Variants in PTPN3 observed in about 807,000 individuals in gnomAD.
PTPN3 encodes tyrosine-protein phosphatase non-receptor type 3.
In PTPN3, 96 loss-of-function variants were observed where a neutral mutation model predicts 132.7. The ratio of observed to expected loss-of-function variants is 0.72; its 90% confidence interval spans 0.61 to 0.86. The LOEUF is 0.86. PTPN3 is among the 40% of genes least tolerant of loss of function. The pLI, the probability that PTPN3 is intolerant of heterozygous loss-of-function variation, is 0.00. For missense variants in PTPN3, 1,125 were observed against 1,159.6 expected (o/e 0.97, Z 0.43); for synonymous variants, 398 against 429.0 (o/e 0.93, Z 0.89).
At chr9:109,449,638 C>T (rs901336462) in intron 5 of PTPN3, 31 of 985,286 alleles carry the variant, frequency 3.1e-5, no homozygotes, top group South Asian at 4.7e-5. Flanking sequence ...TTTAGGGATG[C>T]GGCATACATG....
chr9:109,406,245 T>TC (rs945826866), intron 18 of PTPN3, among the ~76,000 whole-genome samples: 40 of 151,882 alleles, frequency 2.6e-4, no homozygotes, highest in African/African-American at 9.7e-4. Context: ...GGGCGCTGTC[T>TC]CCCCCCAGAA....
chr9:109,479,287 T>A (rs890949684), intron 1 of PTPN3, among the ~76,000 whole-genome samples: 1 of 152,240 alleles, frequency 6.6e-6, no homozygotes, highest in Non-Finnish European at 1.5e-5. Flanking sequence ...ATAGTATTTG[T>A]CTATTTGAGT....
the PTPN3 span, among the ~76,000 whole-genome samples, chr9:109,523,615 T>C: frequency 6.6e-6 from 1 of 152,294 alleles, no homozygotes; most frequent in Non-Finnish European, 1.5e-5. Context: ...TCATTCTTTA[T>C]GGCTCTTGTT....
At chr9:109,532,944 G>GTTTT in the PTPN3 span, 66 of 312,114 alleles carry the variant, frequency 2.1e-4, no homozygotes, top group East Asian at 5.1e-4. Flanking sequence ...TCTTTTCTGG[G>GTTTT]TTTTTTTTTT....
At chr9:109,430,758 G>A (rs79880464) in intron 10 of PTPN3, among the ~76,000 whole-genome samples, 1,901 of 152,290 alleles carry the variant, frequency 0.012, 45 homozygotes, top group African/African-American at 0.044. Flanking sequence ...ACTAAGAACT[G>A]AGCCTATAGG....
chr9:109,430,731 TAG>T (rs1437780201), intron 10 of PTPN3, among the ~76,000 whole-genome samples: 1 of 152,192 alleles, frequency 6.6e-6, no homozygotes, highest in African/African-American at 2.4e-5. Context: ...CAGGAATGCC[TAG>T]AGTCTCACAA....
chr9:109,416,395 G>A (rs1037481714), intron 14 of PTPN3, among the ~76,000 whole-genome samples: 3 of 151,954 alleles, frequency 2.0e-5, no homozygotes, highest in African/African-American at 7.2e-5. Context: ...TGAAGAAGGG[G>A]ATCCCCCAGG....
At chr9:109,425,131 A>G (rs1255778079) in intron 12 of PTPN3, among the ~76,000 whole-genome samples, 1 of 152,192 alleles carries the variant, frequency 6.6e-6, no homozygotes, top group Admixed American at 6.5e-5. Context: ...CAAATACTAA[A>G]CAGTATTATA....
chr9:109,414,505 T>C (rs1242115160), intron 14 of PTPN3, among the ~76,000 whole-genome samples: 1 of 152,210 alleles, frequency 6.6e-6, no homozygotes, highest in African/African-American at 2.4e-5. Flanking sequence ...ATAAGGGTCC[T>C]TGAGTAACAG....
intron 25 of PTPN3, among the ~76,000 whole-genome samples, chr9:109,379,977 C>A (rs1454752848): frequency 6.6e-6 from 1 of 152,176 alleles, no homozygotes; most frequent in Non-Finnish European, 1.5e-5. Flanking sequence ...AGGGAGCCTG[C>A]TCCTGGACTC....
chr9:109,456,473 G>A (rs1355791560), intron 4 of PTPN3, among the ~76,000 whole-genome samples: 2 of 152,198 alleles, frequency 1.3e-5, no homozygotes, highest in African/African-American at 2.4e-5. Flanking sequence ...GCAGGATTTC[G>A]ACAGAGGGAA....
intron 7 of PTPN3, among the ~76,000 whole-genome samples, chr9:109,441,674 C>T (rs1451469363): frequency 6.6e-6 from 1 of 152,254 alleles, no homozygotes; most frequent in South Asian, 2.1e-4. Flanking sequence ...ATTCTTTGAG[C>T]CTCATAAAGC....
Position 109,376,332 on chromosome 9 carries a change from C to T in PTPN3, c.*3224G>A, listed in dbSNP as rs532401032. 1.7e-4 allele frequency: 26 copies of T among 152,214 alleles called. No homozygotes were observed. The highest frequency in any genetic ancestry group is 6.0e-4 in the African/African-American group (25 of 41,528). 9.4% of individuals were successfully genotyped at this position (152,214 alleles called of 1,614,324 possible). ...CTCTGGAGGATGAAGAGGGCTTTTT[C>T]GCTTGCCCTCAAATGCTCATTTCTG... On this transcript the variant is annotated 3_prime_UTR_variant, in exon 26 of 26. Coordinates refer to ENST00000374541, the MANE Select transcript of PTPN3 (RefSeq NM_002829.4).
At chr9:109,447,587 A>G (rs1844947734) in intron 6 of PTPN3, among the ~76,000 whole-genome samples, 1 of 152,140 alleles carries the variant, frequency 6.6e-6, no homozygotes, top group Non-Finnish European at 1.5e-5. Flanking sequence ...TCAATAGTCA[A>G]CAGCTCTGGA....
chr9:109,513,518 A>G, the PTPN3 span, among the ~76,000 whole-genome samples: 51 of 152,278 alleles, frequency 3.3e-4, no homozygotes, highest in African/African-American at 1.2e-3. Flanking sequence ...ACTGAGTCCA[A>G]GCTCTTTGAG....
At chr9:109,490,834 G>A (rs1299127648) in intron 1 of PTPN3, among the ~76,000 whole-genome samples, 1 of 146,764 alleles carries the variant, frequency 6.8e-6, no homozygotes, top group Non-Finnish European at 1.5e-5. Flanking sequence ...CATGACAACC[G>A]TACGCAACCC....
chr9:109,416,508 C>T (rs141618514), intron 14 of PTPN3, among the ~76,000 whole-genome samples: 6 of 149,204 alleles, frequency 4.0e-5, no homozygotes, highest in African/African-American at 9.9e-5. Context: ...TGCAGGGGTG[C>T]GACCACAGCT....
chr9:109,404,600 A>C lies in PTPN3; in HGVS notation c.1801T>G (p.Ser601Ala). ...ALVIRRRAVRSFADFKSEDEL... is the reference protein window; with the variant it reads ...ALVIRRRAVRAFADFKSEDEL... ...TCTTCAGACTTGAAGTCAGCAAATGAGCGGACAGCTGTAACGTACAAGACA... is the reference window on the plus strand; with the variant it reads ...TCTTCAGACTTGAAGTCAGCAAATGCGCGGACAGCTGTAACGTACAAGACA... The change falls in exon 19 of 26, where the codon TCA (serine) becomes GCA (alanine). Residue 601 changes from serine to alanine, a missense_variant. Transcript: ENST00000374541. 1 of 1,535,066 alleles carries C rather than the reference A, an allele frequency of 6.5e-7. No individual in the cohort carries two copies. The highest frequency in any genetic ancestry group is 8.9e-7 in the Non-Finnish European group (1 of 1,128,188).
intron 4 of PTPN3, among the ~76,000 whole-genome samples, chr9:109,455,716 T>C (rs552428518): frequency 6.6e-6 from 1 of 152,360 alleles, no homozygotes; most frequent in South Asian, 2.1e-4. Context: ...AGGCATAGCC[T>C]CTTTTTCTTT....
Sources: gnomAD v4.1 joint callset for allele counts (sites outside exome capture counted in the v4.1 genomes callset) on GRCh38, gnomAD v4.1.1 for gene constraint, MANE v1.5 for transcripts, NCBI Gene and HGNC (gene_info 2026-07-23, HGNC 2026-07-21) for gene names.